NUDC: variants seen among roughly 807,000 people sequenced by gnomAD.
The protein encoded by NUDC is nuclear migration protein nudC.
NUDC carries 14 observed loss-of-function variants against 45.0 expected under a neutral mutation model. The ratio of observed to expected loss-of-function variants is 0.31; its 90% confidence interval spans 0.21 to 0.49. The LOEUF (loss-of-function observed/expected upper bound fraction) is 0.49, where lower values mean the gene tolerates loss of function less well. Among genes scored for constraint, NUDC ranks in the 20% least tolerant of loss-of-function variants. The probability of loss-of-function intolerance (pLI) is 0.99; values close to 1 mark genes in which losing one functional copy is unlikely to be tolerated. For missense variants in NUDC, 323 were observed against 426.2 expected, an observed-to-expected ratio of 0.76 and a Z score of 2.13; for synonymous variants, 153 against 156.7, an observed-to-expected ratio of 0.98 and a Z score of 0.17.
chr1:26,927,533 G>A (rs1281408006), intron 2 of NUDC, among the ~76,000 whole-genome samples: 1 of 151,756 alleles, frequency 6.6e-6, no homozygotes, highest in Non-Finnish European at 1.5e-5. Flanking sequence ...GAGTAGCTGG[G>A]ATTACAGGCG....
chr1:26,915,303 C>G (rs1013529379), intron 3 of NUDC, among the ~76,000 whole-genome samples: 3 of 152,180 alleles, frequency 2.0e-5, no homozygotes, highest in African/African-American at 7.2e-5. Context: ...CAGCCAGAGC[C>G]TGAGATTCTC....
intron 2 of NUDC, among the ~76,000 whole-genome samples, chr1:26,924,581 T>C (rs985428471): frequency 2.6e-5 from 4 of 152,154 alleles, no homozygotes; most frequent in Non-Finnish European, 5.9e-5. Context: ...TGAGACAGAG[T>C]CTTGCTTTGT....
At chr1:26,943,587 C>T (rs1406973086) in intron 6 of NUDC, among the ~76,000 whole-genome samples, 1 of 152,142 alleles carries the variant, frequency 6.6e-6, no homozygotes, top group Non-Finnish European at 1.5e-5. Flanking sequence ...TTTCTAAAGC[C>T]ACTTCTTTTT....
intron 2 of NUDC, among the ~76,000 whole-genome samples, chr1:26,935,138 C>T (rs190183889): frequency 8.1e-4 from 123 of 152,044 alleles, no homozygotes; most frequent in Non-Finnish European, 1.4e-3. Context: ...CCTGCCACCA[C>T]GCCTGGCTAA....
intron 3 of NUDC, chr1:26,912,214 A>G (rs971986876): frequency 1.0e-6 from 1 of 996,464 alleles, no homozygotes; most frequent in East Asian, 2.6e-5. Flanking sequence ...TTGAGGTCCC[A>G]CTACTACCTC....
intron 2 of NUDC, among the ~76,000 whole-genome samples, chr1:26,931,494 G>T (rs757357590): frequency 7.0e-6 from 1 of 143,092 alleles, no homozygotes; most frequent in African/African-American, 2.6e-5. Context: ...GAGATTTCTC[G>T]TACCGGTTGG....
chr1:26,926,619 C>T (rs1377915560), intron 2 of NUDC, among the ~76,000 whole-genome samples: 1 of 150,472 alleles, frequency 6.6e-6, no homozygotes, highest in Non-Finnish European at 1.5e-5. Context: ...TTTTTTTTGA[C>T]ACGGAGTTTC....
chr1:26,934,881 T>C (rs2082214688), intron 2 of NUDC, among the ~76,000 whole-genome samples: 1 of 152,102 alleles, frequency 6.6e-6, no homozygotes, highest in Non-Finnish European at 1.5e-5. Context: ...ATGGTCTCGA[T>C]CTCCTGGCCT....
intron 2 of NUDC, among the ~76,000 whole-genome samples, chr1:26,926,749 C>T (rs905087445): frequency 1.3e-5 from 2 of 152,016 alleles, no homozygotes; most frequent in East Asian, 1.9e-4. Flanking sequence ...TACAGGCATG[C>T]ACCACCATGC....
chr1:26,925,646 C>G (rs2082125944), intron 2 of NUDC, among the ~76,000 whole-genome samples: 1 of 149,698 alleles, frequency 6.7e-6, no homozygotes, highest in South Asian at 2.1e-4. Context: ...AGTATTGATT[C>G]TGAGACCTTG....
rs536514255 is a variant in NUDC, at chr1:26,935,139, G to A, written c.160-6318G>A. ...TGGGATTACAGGTGCCTGCCACCAC[G>A]CCTGGCTAATTTTTGTATTTTTAGT... On this transcript the variant is annotated intron_variant, in intron 2 of 8. Coordinates refer to ENST00000321265, the MANE Select transcript of NUDC (RefSeq NM_006600.4). Among the ~76,000 whole-genome samples, 16 of 151,988 alleles carry A rather than the reference G, an allele frequency of 1.1e-4. No individual in the cohort carries two copies. In the East Asian group the frequency reaches 1.2e-3, roughly 11 times the overall value.
chr1:26,936,642 CA>C (rs934119956), intron 2 of NUDC, among the ~76,000 whole-genome samples: 2 of 151,140 alleles, frequency 1.3e-5, no homozygotes, highest in African/African-American at 4.9e-5. Flanking sequence ...ACCTGGCCTA[CA>C]AAAAAAAATT....
chr1:26,903,776 C>T (rs1366228176), intron 2 of NUDC, among the ~76,000 whole-genome samples: 2 of 151,704 alleles, frequency 1.3e-5, no homozygotes, highest in African/African-American at 2.4e-5. Context: ...TTTGGGAGGC[C>T]GAGGTGGGCG....
chr1:26,939,159 C>A (rs533031729), intron 2 of NUDC, among the ~76,000 whole-genome samples: 2 of 151,978 alleles, frequency 1.3e-5, no homozygotes, highest in Non-Finnish European at 2.9e-5. Flanking sequence ...ACACCGGGCT[C>A]ATTTTTGGAT....
intron 2 of NUDC, among the ~76,000 whole-genome samples, chr1:26,931,047 A>C (rs1229408762): frequency 6.6e-6 from 1 of 151,976 alleles, no homozygotes; most frequent in Non-Finnish European, 1.5e-5. Context: ...GCACATCATA[A>C]AATTTACCTT....
At chr1:26,915,058 C>CATATATATATATACAT (rs1553162227) in intron 3 of NUDC, among the ~76,000 whole-genome samples, 10 of 140,552 alleles carry the variant, frequency 7.1e-5, no homozygotes, top group Non-Finnish European at 1.2e-4. Flanking sequence ...TACATACATA[C>CATATATATATATACAT]ATATATATAT....
At chr1:26,901,397 CTTTTTTTTTT>C (rs34988488) in intron 1 of NUDC, among the ~76,000 whole-genome samples, 16 of 73,620 alleles carry the variant, frequency 2.2e-4, no homozygotes, top group South Asian at 5.3e-4. Flanking sequence ...GCCTTTTTGT[CTTTTTTTTTT>C]TTTTTTTTTT....
chr1:26,906,148 C>T (rs756585467), intron 2 of NUDC, among the ~76,000 whole-genome samples: 34 of 152,252 alleles, frequency 2.2e-4, no homozygotes, highest in Non-Finnish European at 1.6e-4. Context: ...GGCGTGGTGG[C>T]GCATGCCTGT....
At chr1:26,944,717 G>C (rs967268207) in intron 6 of NUDC, among the ~76,000 whole-genome samples, 2 of 151,956 alleles carry the variant, frequency 1.3e-5, no homozygotes, top group African/African-American at 4.8e-5. Flanking sequence ...CAGGAGAATC[G>C]CTTGAACCCA....
Sources: allele counts gnomAD v4.1 joint callset (sites outside exome capture counted in the v4.1 genomes callset), GRCh38; gene constraint gnomAD v4.1.1; transcripts MANE v1.5; gene names NCBI Gene and HGNC (gene_info 2026-07-23, HGNC 2026-07-21).